Variants in TNS3 observed in about 807,000 individuals in gnomAD.
The protein encoded by TNS3 is tensin-3.
In TNS3, 45 loss-of-function variants were observed where a neutral mutation model predicts 140.9. That is an observed-to-expected ratio of 0.32 (90% CI 0.25 to 0.41). The LOEUF is 0.41. Among genes scored for constraint, TNS3 ranks in the 10% least tolerant of loss-of-function variants. TNS3 has a pLI of 1.00. For missense variants in TNS3, 1,716 were observed against 1,906.7 expected, an observed-to-expected ratio of 0.90 and a Z score of 1.86; for synonymous variants, 815 against 788.4, an observed-to-expected ratio of 1.03 and a Z score of -0.56.
chr7:47,466,741 A>T (rs1255545856), intron 4 of TNS3, among the ~76,000 whole-genome samples: 1 of 152,236 alleles, frequency 6.6e-6, no homozygotes. Flanking sequence ...TGCAGGTTAC[A>T]GAGGACCAGA....
intron 16 of TNS3, among the ~76,000 whole-genome samples, chr7:47,389,112 A>AAGC (rs1344956051): frequency 3.7e-4 from 2 of 5,472 alleles, no homozygotes; most frequent in African/African-American, 4.8e-4. Flanking sequence ...GCGGAAGCAG[A>AAGC]AGAAGAAGAA....
At chr7:47,343,930 A>G (rs1342346924) in intron 20 of TNS3, among the ~76,000 whole-genome samples, 31 of 152,200 alleles carry the variant, frequency 2.0e-4, no homozygotes. Context: ...GAATGGAGCT[A>G]GCTGTCATGA....
intron 4 of TNS3, among the ~76,000 whole-genome samples, chr7:47,442,259 A>G (rs553428147): frequency 1.3e-4 from 20 of 152,340 alleles, no homozygotes; most frequent in African/African-American, 4.8e-4. Context: ...ACGCAGTGCC[A>G]CTAACCAGCA....
intron 10 of TNS3, among the ~76,000 whole-genome samples, chr7:47,415,724 C>A (rs1477122087): frequency 6.6e-6 from 1 of 152,268 alleles, no homozygotes; most frequent in East Asian, 1.9e-4. Flanking sequence ...GCCTTCCACG[C>A]CACATCTGAT....
chr7:47,444,514 C>A (rs1456497177), intron 4 of TNS3, among the ~76,000 whole-genome samples: 1 of 152,240 alleles, frequency 6.6e-6, no homozygotes, highest in Admixed American at 6.5e-5. Context: ...TCACTGCCGG[C>A]ACCAACGTGA....
chr7:47,336,827 CTGCATTTGGTCACCCTAT>C (rs1182270216), intron 20 of TNS3, among the ~76,000 whole-genome samples: 1 of 152,184 alleles, frequency 6.6e-6, no homozygotes, highest in African/African-American at 2.4e-5. Context: ...AGCGTGCGGG[CTGCATTTGGTCACCCTAT>C]TGCGTTAGCC....
intron 30 of TNS3, 40 bp downstream of exon 30, chr7:47,280,124 G>A: frequency 6.2e-7 from 1 of 1,612,692 alleles, no homozygotes; most frequent in Middle Eastern, 1.7e-4. Context: ...GAGTACAACT[G>A]CAGACAAGGA....
At chr7:47,553,220 G>A (rs571232313) in intron 1 of TNS3, among the ~76,000 whole-genome samples, 7 of 152,324 alleles carry the variant, frequency 4.6e-5, no homozygotes, top group African/African-American at 1.2e-4. Flanking sequence ...AGAAGCTGCC[G>A]CAAGTTATTC....
chr7:47,579,514 G>C (rs1784481265), intron 1 of TNS3: 1 of 152,226 alleles, frequency 6.6e-6, no homozygotes, highest in African/African-American at 2.4e-5. Context: ...AAATGTCTCT[G>C]GCTTCCTAGT....
At chr7:47,377,988 C>T (rs978336354) in intron 16 of TNS3, among the ~76,000 whole-genome samples, 1 of 151,970 alleles carries the variant, frequency 6.6e-6, no homozygotes, top group African/African-American at 2.4e-5. Context: ...ATAATCCAGG[C>T]TTGAGTCCTG....
At chr7:47,412,797 TA>T (rs1562707707) in intron 12 of TNS3, among the ~76,000 whole-genome samples, 2 of 152,076 alleles carry the variant, frequency 1.3e-5, no homozygotes, top group African/African-American at 4.8e-5. Context: ...AATGCAACCA[TA>T]AAAAATAATA....
chr7:47,497,341 G>C (rs1798050117), intron 3 of TNS3, among the ~76,000 whole-genome samples: 1 of 152,084 alleles, frequency 6.6e-6, no homozygotes, highest in South Asian at 2.1e-4. Flanking sequence ...TATTAAAAGG[G>C]GAAAAGAGCA....
chr7:47,462,954 C>T (rs928404123), intron 4 of TNS3, among the ~76,000 whole-genome samples: 6 of 152,152 alleles, frequency 3.9e-5, no homozygotes, highest in African/African-American at 1.4e-4. Flanking sequence ...AAGTGAAAAC[C>T]TGACAATGAG....
chr7:47,564,752 C>T (rs1800394757), intron 1 of TNS3, among the ~76,000 whole-genome samples: 1 of 151,544 alleles, frequency 6.6e-6, no homozygotes, highest in Non-Finnish European at 1.5e-5. Context: ...TGAACATGCC[C>T]TGTTGGTTCT....
chr7:47,437,171 T>C, intron 7 of TNS3, 92 bp downstream of exon 7: 2 of 809,126 alleles, frequency 2.5e-6, no homozygotes, highest in Non-Finnish European at 2.0e-6. Flanking sequence ...TCAAGTCACA[T>C]TCCACAAAGA....
intron 6 of TNS3, among the ~76,000 whole-genome samples, chr7:47,438,924 C>A (rs534044886): frequency 3.3e-5 from 5 of 152,240 alleles, no homozygotes; most frequent in Non-Finnish European, 7.4e-5. Context: ...TCCACCTGGG[C>A]TACCAACCAT....
intron 1 of TNS3, among the ~76,000 whole-genome samples, chr7:47,568,119 T>C (rs1800470700): frequency 6.6e-6 from 1 of 152,108 alleles, no homozygotes; most frequent in Admixed American, 6.5e-5. Context: ...TCTTGAAAAG[T>C]TGGCACAGGG....
At chr7:47,388,194 TAAG>T (rs1469614399) in intron 16 of TNS3, among the ~76,000 whole-genome samples, 1 of 152,142 alleles carries the variant, frequency 6.6e-6, no homozygotes, top group Non-Finnish European at 1.5e-5. Flanking sequence ...AAGGGCCTTG[TAAG>T]AAGAATAAGG....
chr7:47,425,090 G>C (rs569149869), intron 9 of TNS3, among the ~76,000 whole-genome samples: 1 of 152,176 alleles, frequency 6.6e-6, no homozygotes, highest in Non-Finnish European at 1.5e-5. Context: ...AGGCCAAGGC[G>C]GGCGGATCAC....
Sources: allele counts gnomAD v4.1 joint callset (sites outside exome capture counted in the v4.1 genomes callset), GRCh38; gene constraint gnomAD v4.1.1; transcripts MANE v1.5; gene names NCBI Gene and HGNC (gene_info 2026-07-23, HGNC 2026-07-21).